THSD7B: variants seen among roughly 807,000 people sequenced by gnomAD.
THSD7B encodes thrombospondin type 1 domain containing 7B.
A neutral mutation model predicts 213.6 loss-of-function variants in THSD7B; 138 were observed. That is an observed-to-expected ratio of 0.65 (90% CI 0.56 to 0.74). THSD7B has a LOEUF of 0.74. THSD7B is among the 30% of genes least tolerant of loss of function. THSD7B has a pLI of 0.00. For synonymous variants in THSD7B, 742 were observed against 687.0 expected, an observed-to-expected ratio of 1.08 and a Z score of -1.25; for missense variants, 1,931 against 1,991.5, an observed-to-expected ratio of 0.97 and a Z score of 0.58.
At chr2:136,931,395 G>T (rs1573717411) in intron 2 of THSD7B, among the ~76,000 whole-genome samples, 1 of 152,186 alleles carries the variant, frequency 6.6e-6, no homozygotes, top group African/African-American at 2.4e-5. Flanking sequence ...AAGAATCAAA[G>T]TTTAAGTTTG....
At chr2:136,938,408 C>T (rs1323531565) in intron 2 of THSD7B, among the ~76,000 whole-genome samples, 1 of 150,424 alleles carries the variant, frequency 6.6e-6, no homozygotes, top group Non-Finnish European at 1.5e-5. Context: ...GAAGAGTGAT[C>T]AAGCATATTT....
intron 3 of THSD7B, among the ~76,000 whole-genome samples, chr2:137,090,031 GA>G (rs1249397472): frequency 6.6e-6 from 1 of 150,692 alleles, no homozygotes; most frequent in African/African-American, 2.4e-5. Flanking sequence ...AAAGAAAAAA[GA>G]AAAAAGAACT....
intron 21 of THSD7B, among the ~76,000 whole-genome samples, chr2:137,654,525 C>T (rs1412623215): frequency 6.6e-6 from 1 of 152,114 alleles, no homozygotes; most frequent in Admixed American, 6.5e-5. Context: ...TGGTTATCTA[C>T]CTCAATCTCA....
chr2:137,347,167 C>CA (rs1477977804), intron 12 of THSD7B, among the ~76,000 whole-genome samples: 2 of 151,392 alleles, frequency 1.3e-5, no homozygotes, highest in Non-Finnish European at 3.0e-5. Flanking sequence ...TGAGAAAGCA[C>CA]AAAAAATTAT....
intron 1 of THSD7B, among the ~76,000 whole-genome samples, chr2:136,769,468 ACT>A (rs1040789218): frequency 1.9e-4 from 29 of 152,058 alleles, no homozygotes; most frequent in African/African-American, 7.0e-4. Context: ...TTTGAAACTA[ACT>A]CTAGAGATGC....
chr2:136,924,319 G>C lies in THSD7B; in HGVS notation c.139+42002G>C, dbSNP rs114250956. Reference sequence around the variant, plus strand: ...TGGTCTTGAACTCCTGACCTCAAGTGATCCACCTGCCTTGCTGTTTAGATT... The same window carrying C: ...TGGTCTTGAACTCCTGACCTCAAGTCATCCACCTGCCTTGCTGTTTAGATT... On this transcript the variant is annotated intron_variant, in intron 2 of 27. Transcript: ENST00000409968. 6.4e-3 allele frequency among the ~76,000 whole-genome samples: 958 copies of C among 150,286 alleles called. 10 individuals carry two copies. Among genetic ancestry groups the C allele is most frequent in the African/African-American group, 0.022 (913 of 40,826 alleles).
chr2:136,780,186 T>C (rs1681713348), intron 1 of THSD7B, among the ~76,000 whole-genome samples: 1 of 152,164 alleles, frequency 6.6e-6, no homozygotes, highest in Non-Finnish European at 1.5e-5. Flanking sequence ...AAGTGCGAGA[T>C]CAAGGCATTG....
At chr2:137,582,057 G>C (rs926700738) in intron 17 of THSD7B, among the ~76,000 whole-genome samples, 1 of 151,934 alleles carries the variant, frequency 6.6e-6, no homozygotes, top group African/African-American at 2.4e-5. Context: ...AGTGAGCTAA[G>C]ATGGCGCCAC....
chr2:137,545,636 C>T (rs1375369), intron 15 of THSD7B, among the ~76,000 whole-genome samples: 11,009 of 151,944 alleles, frequency 0.072, 446 homozygotes, highest in African/African-American at 0.087. Context: ...AAGCAGTGTG[C>T]TTCCTGCTAA....
intron 15 of THSD7B, among the ~76,000 whole-genome samples, chr2:137,496,762 A>T (rs1175573253): frequency 6.6e-6 from 1 of 152,172 alleles, no homozygotes; most frequent in Non-Finnish European, 1.5e-5. Flanking sequence ...TACAAAATGG[A>T]TTTAATTTCT....
chr2:137,054,170 G>A (rs1687118187), intron 2 of THSD7B, among the ~76,000 whole-genome samples: 1 of 152,208 alleles, frequency 6.6e-6, no homozygotes, highest in Non-Finnish European at 1.5e-5. Flanking sequence ...TAAGATCACC[G>A]TTTTCAACGC....
At chr2:136,976,702 A>C (rs946325070) in intron 2 of THSD7B, among the ~76,000 whole-genome samples, 1 of 151,510 alleles carries the variant, frequency 6.6e-6, no homozygotes, top group Non-Finnish European at 1.5e-5. Flanking sequence ...GCTCACTGCA[A>C]GCTCCGCCTC....
At chr2:137,237,710 C>G (rs1053685272) in intron 9 of THSD7B, among the ~76,000 whole-genome samples, 10 of 152,084 alleles carry the variant, frequency 6.6e-5, no homozygotes, top group Non-Finnish European at 1.3e-4. Flanking sequence ...TCCTAATAGC[C>G]AAAGACTGTA....
chr2:137,190,717 A>G (rs1427301524), intron 7 of THSD7B, among the ~76,000 whole-genome samples: 1 of 152,126 alleles, frequency 6.6e-6, no homozygotes, highest in African/African-American at 2.4e-5. Context: ...CTAACACTAT[A>G]ATTCAGAGAG....
chr2:136,979,201 T>G (rs2104806231), intron 2 of THSD7B, among the ~76,000 whole-genome samples: 1 of 151,956 alleles, frequency 6.6e-6, no homozygotes, highest in East Asian at 1.9e-4. Context: ...TGACCTGACC[T>G]TTCTTTCTTG....
intron 2 of THSD7B, among the ~76,000 whole-genome samples, chr2:137,040,658 G>A (rs1961281): frequency 0.07 from 10,718 of 152,122 alleles, 772 homozygotes; most frequent in East Asian, 0.21. Flanking sequence ...ATCCCAAAAT[G>A]CTGGGATTAC....
intron 15 of THSD7B, among the ~76,000 whole-genome samples, chr2:137,475,683 A>G (rs1688177609): frequency 6.6e-6 from 1 of 152,148 alleles, no homozygotes; most frequent in African/African-American, 2.4e-5. Flanking sequence ...ACATATATGT[A>G]TTGTGTATAT....
At chr2:137,047,914 G>T (rs995345685) in intron 2 of THSD7B, among the ~76,000 whole-genome samples, 1 of 152,048 alleles carries the variant, frequency 6.6e-6, no homozygotes, top group African/African-American at 2.4e-5. Flanking sequence ...TTTTTTATTT[G>T]TTTTTTTATT....
intron 10 of THSD7B, among the ~76,000 whole-genome samples, chr2:137,248,144 G>A (rs1159171277): frequency 6.6e-6 from 1 of 152,104 alleles, no homozygotes; most frequent in Non-Finnish European, 1.5e-5. Flanking sequence ...GGTGGAGGAT[G>A]AGAAATACTC....
Sources: allele counts gnomAD v4.1 joint callset (sites outside exome capture counted in the v4.1 genomes callset), GRCh38; gene constraint gnomAD v4.1.1; transcripts MANE v1.5; gene names NCBI Gene and HGNC (gene_info 2026-07-23, HGNC 2026-07-21).